The following EXOC4 variants were observed in gnomAD, a reference collection of about 807,000 sequenced individuals.
EXOC4 encodes the protein exocyst complex component 4.
EXOC4 carries 71 observed loss-of-function variants against 107.2 expected under a neutral mutation model. The ratio of observed to expected loss-of-function variants is 0.66; its 90% CI spans 0.55 to 0.81. The LOEUF (loss-of-function observed/expected upper bound fraction) is 0.81, where lower values mean the gene tolerates loss of function less well. Ranked by LOEUF, EXOC4 falls within the 30% of genes least tolerant of loss-of-function variation. The probability of loss-of-function intolerance (pLI) is 0.00; values close to 1 mark genes in which losing one functional copy is unlikely to be tolerated. For synonymous variants in EXOC4, 456 were observed against 441.2 expected (o/e 1.03, Z -0.42); for missense variants, 1,108 against 1,189.6 (o/e 0.93, Z 1.01).
At chr7:133,727,977 T>C (rs1795250759) in intron 10 of EXOC4, among the ~76,000 whole-genome samples, 1 of 152,228 alleles carries the variant, frequency 6.6e-6, no homozygotes, top group Non-Finnish European at 1.5e-5. Context: ...TATTTTTCAT[T>C]TTACACTCCT....
downstream of EXOC4, among the ~76,000 whole-genome samples, chr7:134,069,330 TCTC>T (rs1164920785): frequency 6.6e-5 from 7 of 105,440 alleles, no homozygotes; most frequent in African/African-American, 2.3e-4. Flanking sequence ...TCCCCCTCCT[TCTC>T]CTCCTTCTCC....
intron 10 of EXOC4, among the ~76,000 whole-genome samples, chr7:133,682,140 C>G (rs2151069234): frequency 6.6e-6 from 1 of 152,242 alleles, no homozygotes; most frequent in African/African-American, 2.4e-5. Context: ...TCAACTGATC[C>G]AGGCACCTTG....
rs75483746 is a variant in EXOC4, at chr7:133,920,096, A to G, written c.2027+2358A>G. On this transcript the variant is annotated intron_variant, in intron 13 of 17. Coordinates refer to ENST00000253861, the MANE Select transcript of EXOC4 (RefSeq NM_021807.4). Reference sequence around the variant, plus strand: ...TTTAGCCATTCTTATGAATGTGTAGAGATATCTCATTGTATTAATTTGCAA... The same window carrying G: ...TTTAGCCATTCTTATGAATGTGTAGGGATATCTCATTGTATTAATTTGCAA... 4.8e-3 allele frequency among the ~76,000 whole-genome samples: 738 copies of G among 152,328 alleles called. 3 individuals are homozygous for G. Among genetic ancestry groups the G allele is most frequent in the Middle Eastern group, 0.017 (5 of 294 alleles).
At chr7:133,950,293 G>C (rs1245739441) in intron 14 of EXOC4, among the ~76,000 whole-genome samples, 5 of 152,170 alleles carry the variant, frequency 3.3e-5, no homozygotes, top group Admixed American at 1.3e-4. Flanking sequence ...AGGGATACAT[G>C]CCACTTCAAA....
intron 5 of EXOC4, among the ~76,000 whole-genome samples, chr7:133,346,691 T>C: frequency 6.6e-6 from 1 of 152,200 alleles, no homozygotes; most frequent in East Asian, 1.9e-4. Flanking sequence ...TGAACATTCC[T>C]TTTTATATTT....
chr7:133,543,209 A>G (rs1029506841), intron 9 of EXOC4, among the ~76,000 whole-genome samples: 1 of 152,086 alleles, frequency 6.6e-6, no homozygotes, highest in Non-Finnish European at 1.5e-5. Flanking sequence ...TACTTTGTGT[A>G]TAAGTTGAGT....
At chr7:134,087,866 C>T in the EXOC4 span, among the ~76,000 whole-genome samples, 1 of 152,178 alleles carries the variant, frequency 6.6e-6, no homozygotes, top group Non-Finnish European at 1.5e-5. Context: ...TTTCATTTTA[C>T]TTGGCCTGAT....
intron 11 of EXOC4, among the ~76,000 whole-genome samples, chr7:133,857,182 A>ACACATACACG (rs1180228109): frequency 0.025 from 445 of 17,912 alleles, 104 homozygotes; most frequent in African/African-American, 0.13. Flanking sequence ...ATATATATAT[A>ACACATACACG]TATATATATA....
chr7:133,676,153 C>T (rs961029632), intron 10 of EXOC4, among the ~76,000 whole-genome samples: 3 of 151,740 alleles, frequency 2.0e-5, no homozygotes, highest in African/African-American at 4.8e-5. Context: ...ATTGAGTGCC[C>T]GTTATGTACC....
chr7:134,044,088 A>T (rs2116543390), intron 17 of EXOC4, among the ~76,000 whole-genome samples: 1 of 152,296 alleles, frequency 6.6e-6, no homozygotes, highest in East Asian at 1.9e-4. Context: ...CAACTAATCC[A>T]CCTTGCCACT....
chr7:134,042,418 A>G (rs551853864), intron 17 of EXOC4, among the ~76,000 whole-genome samples: 4 of 152,276 alleles, frequency 2.6e-5, no homozygotes, highest in East Asian at 1.9e-4. Context: ...AGTGTGCTCA[A>G]TGCTCTTGTC....
intron 10 of EXOC4, among the ~76,000 whole-genome samples, chr7:133,633,811 C>T (rs530777974): frequency 6.6e-5 from 10 of 151,790 alleles, no homozygotes; most frequent in Non-Finnish European, 1.2e-4. Flanking sequence ...TTTTTTCTTA[C>T]GTGGTCTCTT....
chr7:133,275,144 C>T lies in EXOC4; in HGVS notation c.249C>T (p.Ile83=), dbSNP rs1287603609. The part of the protein sequence containing the change: ...IRTYQSITER[I]TNSRNKIKQV... ...CATACCAGAGCATCACAGAGCGCAT[C>T]ACTAACTCCCGAAATAAAATAAAGC... The change falls in exon 2 of 18, where the codon ATC becomes ATT. Residue 83 remains isoleucine (I), a synonymous_variant. Transcript: ENST00000253861. The T allele has an allele frequency of 1.9e-6, 3 of 1,600,084 alleles. No individual in the cohort carries two copies. The highest frequency in any genetic ancestry group is 2.6e-6 in the Non-Finnish European group (3 of 1,173,068).
chr7:133,967,626 AGTT>A, intron 14 of EXOC4, among the ~76,000 whole-genome samples: 1 of 152,104 alleles, frequency 6.6e-6, no homozygotes, highest in East Asian at 1.9e-4. Context: ...GTTTCCATGA[AGTT>A]GTGTGGTTTT....
intron 9 of EXOC4, among the ~76,000 whole-genome samples, chr7:133,541,545 G>A (rs1475266581): frequency 1.3e-5 from 2 of 152,074 alleles, no homozygotes; most frequent in East Asian, 1.9e-4. Flanking sequence ...TGTTGCCCAG[G>A]CTGGAGTACA....
At chr7:133,568,645 C>G (rs997243211) in intron 9 of EXOC4, among the ~76,000 whole-genome samples, 22 of 152,114 alleles carry the variant, frequency 1.4e-4, no homozygotes, top group African/African-American at 4.8e-4. Flanking sequence ...AGGTGGGTGT[C>G]CCTCATAGAG....
chr7:134,069,731 C>A (rs1427337518), downstream of EXOC4, among the ~76,000 whole-genome samples: 1 of 152,182 alleles, frequency 6.6e-6, no homozygotes, highest in Non-Finnish European at 1.5e-5. Context: ...CTCAGCCTCC[C>A]AAAGCGCTGG....
intron 10 of EXOC4, among the ~76,000 whole-genome samples, chr7:133,789,953 A>G (rs1412178499): frequency 6.6e-6 from 1 of 152,220 alleles, no homozygotes; most frequent in Non-Finnish European, 1.5e-5. Flanking sequence ...CTTTCTGGAT[A>G]GGGAGATCTT....
At chr7:133,796,641 C>G (rs996472432) in intron 10 of EXOC4, among the ~76,000 whole-genome samples, 21 of 152,084 alleles carry the variant, frequency 1.4e-4, no homozygotes, top group Non-Finnish European at 1.9e-4. Flanking sequence ...ACCTGTAGTC[C>G]CAGATACTCT....
Sources: gnomAD v4.1 joint callset for allele counts (sites outside exome capture counted in the v4.1 genomes callset) on GRCh38, gnomAD v4.1.1 for gene constraint, MANE v1.5 for transcripts, NCBI Gene and HGNC (gene_info 2026-07-23, HGNC 2026-07-21) for gene names.